Variants in DSG1 observed in about 807,000 individuals in gnomAD.
DSG1 encodes the protein desmoglein-1.
A neutral mutation model predicts 97.5 loss-of-function variants in DSG1; 39 were observed. That is an observed-to-expected ratio of 0.40 (90% confidence interval 0.31 to 0.52). The LOEUF is 0.52. Among genes scored for constraint, DSG1 ranks in the 20% least tolerant of loss-of-function variants. The pLI is 0.53. For missense variants in DSG1, 1,311 were observed against 1,295.4 expected, an observed-to-expected ratio of 1.01 and a Z score of -0.18; for synonymous variants, 475 against 443.4, an observed-to-expected ratio of 1.07 and a Z score of -0.90.
In DSG1 at chr18:31,334,021, C is replaced by A. The variant is rs776654926; in HGVS notation, c.824C>A (p.Thr275Asn). Residue 275 changes from threonine (T) to asparagine (N), a missense_variant, in exon 8 of 15, where the codon ACC becomes AAC. Thr to Asn is a moderately conservative substitution (Grantham distance 65, BLOSUM62 0). This residue lies in a region of DSG1 where 1,038 missense variants were observed against 964.6 expected (regional missense o/e 1.08). Transcript: ENST00000257192. ...NIPYMEQSSY[T>N]IEIQENTLNS... ...AGTTTTCACTTCTTGTTTCAGTATA[C>A]CATAGAAATTCAAGAAAATACTCTA... is the stretch of plus-strand genomic sequence containing the variant. 9 of 1,597,598 alleles carry A rather than the reference C, an allele frequency of 5.6e-6. No individual in the cohort carries two copies. Among genetic ancestry groups the A allele is most frequent in the South Asian group, 2.2e-5 (2 of 90,600 alleles).
In DSG1 at chr18:31,332,872, T is replaced by A. The variant is rs563692893; in HGVS notation, c.685-717T>A. 2.1e-4 allele frequency among the ~76,000 whole-genome samples: 32 copies of A among 152,288 alleles called. 2 individuals are homozygous for A. In the South Asian group the frequency reaches 4.8e-3, roughly 23 times the overall value. ...TCTCAAACTGTCTTAAACAGCCCAA[T>A]GAGGTTTCTTTCATGTCAAAAGAGC... On this transcript the variant is annotated intron_variant, in intron 6 of 14. Transcript: ENST00000257192.
At chr18:31,335,004 C>T (rs1234579675) in intron 8 of DSG1, among the ~76,000 whole-genome samples, 2 of 151,950 alleles carry the variant, frequency 1.3e-5, no homozygotes. Flanking sequence ...AAAATATAAT[C>T]CCTATTTAAC....
intron 1 of DSG1, among the ~76,000 whole-genome samples, chr18:31,319,343 A>G (rs2071639666): frequency 6.6e-6 from 1 of 152,152 alleles, no homozygotes; most frequent in African/African-American, 2.4e-5. Context: ...TTGAACTGGA[A>G]TGTTGGGTTG....
chr18:31,318,495 T>G lies in DSG1; in HGVS notation c.48+147T>G, dbSNP rs868666307. 6.7e-5 allele frequency: 49 copies of G among 735,182 alleles called. No homozygotes were observed. In the Middle Eastern group the frequency reaches 8.0e-4, roughly 12 times the overall value. 45.5% of individuals were successfully genotyped at this position (735,182 alleles called of 1,614,324 possible). On this transcript the variant is annotated intron_variant, in intron 1 of 14. Transcript: ENST00000257192. ...CAAGATGATTTTATGAACTAGATTT[T>G]TCAATAGCATTTCTCTCTTTAATTG...
At position 31,324,175 on chromosome 18, in the gene DSG1, G is replaced by C. The variant is rs564684117; in HGVS notation, c.49-2406G>C. Reference sequence around the variant, plus strand: ...ATTTTTGTATTTTTAGTGGAGACGGGGTTTCACCATGTTGGCCAGGATGTT... The same window carrying C: ...ATTTTTGTATTTTTAGTGGAGACGGCGTTTCACCATGTTGGCCAGGATGTT... On this transcript the variant is annotated intron_variant, in intron 1 of 14. Coordinates refer to ENST00000257192, the MANE Select transcript of DSG1 (RefSeq NM_001942.4). 9.3e-4 allele frequency among the ~76,000 whole-genome samples: 140 copies of C among 151,290 alleles called. 1 individual carries two copies. Among genetic ancestry groups the C allele is most frequent in the African/African-American group, 3.2e-3 (134 of 41,260 alleles).
intron 4 of DSG1, among the ~76,000 whole-genome samples, chr18:31,328,568 C>A (rs1179562325): frequency 1.3e-5 from 2 of 152,128 alleles, no homozygotes; most frequent in Non-Finnish European, 2.9e-5. Context: ...ATACTGTCCT[C>A]ATTGGCAAAC....
chr18:31,319,704 T>G lies in DSG1; in HGVS notation c.48+1356T>G, dbSNP rs188676249. ...GCTATTATAGTTTTAGTTGATCAGC[T>G]TGTTCAGATAGGTGTACACTAACTT... On this transcript the variant is annotated intron_variant, in intron 1 of 14. Transcript: ENST00000257192. Among the ~76,000 whole-genome samples, 14 of 152,326 alleles carry G rather than the reference T, an allele frequency of 9.2e-5. No individual in the cohort carries two copies. The East Asian group carries it at 2.7e-3, about 29-fold the overall frequency.
chr18:31,333,552 C>A, intron 6 of DSG1, 37 bp from the exon 7 acceptor site: 20 of 1,613,208 alleles, frequency 1.2e-5, no homozygotes, highest in Non-Finnish European at 1.6e-5. Flanking sequence ...AGGCTGTCTA[C>A]GTCAAGTGTG....
chr18:31,354,892 T>C lies in DSG1; in HGVS notation c.2696T>C (p.Ile899Thr), dbSNP rs752731899. 9.9e-6 allele frequency: 16 copies of C among 1,614,032 alleles called. No homozygotes were observed. The highest frequency in any genetic ancestry group is 5.0e-5 in the Admixed American group (3 of 59,992). ...GSNVIVTERV[I>T]APSSSLPTSL... The stretch of plus-strand genomic sequence containing the variant: ...AATGTTATAGTGACAGAAAGGGTAA[T>C]AGCACCAAGCTCTAGTCTACCCACC... Residue 899 changes from isoleucine (I) to threonine (T), a missense_variant, in exon 15 of 15, where the codon ATA becomes ACA. Coordinates refer to ENST00000257192, the MANE Select transcript of DSG1 (RefSeq NM_001942.4).
chr18:31,346,306 T>G (rs987487327), intron 14 of DSG1, 108 bp downstream of exon 14: 1 of 915,690 alleles, frequency 1.1e-6, no homozygotes, highest in African/African-American at 1.6e-5. Flanking sequence ...CTAACTAGAT[T>G]CTCAGCCTTT....
At chr18:31,324,912 C>T (rs1312438805) in intron 1 of DSG1, among the ~76,000 whole-genome samples, 1 of 152,210 alleles carries the variant, frequency 6.6e-6, no homozygotes, top group African/African-American at 2.4e-5. Flanking sequence ...CTACTGCACA[C>T]AGGCATTTAA....
chr18:31,354,556 A>G lies in DSG1; in HGVS notation c.2360A>G (p.Gln787Arg), dbSNP rs1359820675. ...AGCACTGAACCAGTTTGCCTTCCTC[A>G]GGAAACAGAGCCCGTTGTTAGTGGA... ...PQSTEPVCLP[Q>R]ETEPVVSGHP... is the part of the protein sequence containing the mutation. Residue 787 changes from glutamine (Q) to arginine (R), a missense_variant, in exon 15 of 15, where the codon CAG (glutamine) becomes CGG (arginine). By Grantham distance (43) the Gln-to-Arg change is conservative. This residue lies in a region of DSG1 where 1,038 missense variants were observed against 964.6 expected (regional missense o/e 1.08). Transcript: ENST00000257192. The G allele has an allele frequency of 6.2e-7, 1 of 1,614,178 alleles. No individual in the cohort carries two copies. Among genetic ancestry groups the G allele is most frequent in the Non-Finnish European group, 8.5e-7 (1 of 1,180,028 alleles).
chr18:31,332,188 T>C (rs575171903), intron 6 of DSG1, among the ~76,000 whole-genome samples: 108 of 152,198 alleles, frequency 7.1e-4, no homozygotes, highest in African/African-American at 2.5e-3. Context: ...AAAAAGTGTG[T>C]TCTATAATAA....
At chr18:31,339,067 A>C (rs1259811349) in intron 10 of DSG1, among the ~76,000 whole-genome samples, 1 of 152,156 alleles carries the variant, frequency 6.6e-6, no homozygotes, top group East Asian at 1.9e-4. Context: ...ATTTTTGCTG[A>C]ATAATTCCAC....
At position 31,354,764 on chromosome 18, in the gene DSG1, C is replaced by A; in HGVS notation, c.2568C>A (p.Asn856Lys). ...TLKPSVHVHDNRPASNVVVTE... is the reference protein window; with the variant it reads ...TLKPSVHVHDKRPASNVVVTE... ...AGCCCTCTGTGCACGTTCACGATAA[C>A]CGACCAGCATCAAACGTGGTAGTGA... The change falls in exon 15 of 15, where the codon AAC (asparagine) becomes AAA (lysine). Residue 856 changes from asparagine (N) to lysine (K), a missense_variant. Asn to Lys is a moderately conservative substitution (Grantham distance 94, BLOSUM62 0). Around this residue, in one of 3 missense-constraint regions of DSG1, gnomAD observed 1,038 missense variants for 964.6 expected, o/e 1.08. Coordinates refer to ENST00000257192, the MANE Select transcript of DSG1 (RefSeq NM_001942.4). 1 of 1,614,176 alleles carries A rather than the reference C, an allele frequency of 6.2e-7. No individual in the cohort carries two copies. The highest frequency in any genetic ancestry group is 8.5e-7 in the Non-Finnish European group (1 of 1,180,020).
rs1482791506 is a variant in DSG1, at chr18:31,326,896, A to C, written c.107A>C (p.Asn36Thr). The C allele has an allele frequency of 1.2e-6, 2 of 1,613,802 alleles. No homozygotes were observed. The highest frequency in any genetic ancestry group is 2.7e-5 in the African/African-American group (2 of 74,898). The change falls in exon 3 of 15, where the codon AAT becomes ACT. Residue 36 changes from asparagine to threonine, a missense_variant. Around this residue, in one of 3 missense-constraint regions of DSG1, gnomAD observed 259 missense variants for 304.1 expected, o/e 0.85. Transcript: ENST00000257192. ...RIQVRDYNTK[N>T]GTIKWHSIRR... ...AAGGTAAGAGATTATAACACTAAAAATGGCACCATCAAATGGCATTCAATC... is the reference window on the plus strand; with the variant it reads ...AAGGTAAGAGATTATAACACTAAAACTGGCACCATCAAATGGCATTCAATC...
At chr18:31,332,935 G>C (rs1034344222) in intron 6 of DSG1, among the ~76,000 whole-genome samples, 2 of 152,150 alleles carry the variant, frequency 1.3e-5, no homozygotes, top group African/African-American at 4.8e-5. Context: ...GCTGTCAGAA[G>C]GAAAGGGACT....
intron 9 of DSG1, 53 bp from the exon 10 acceptor site, chr18:31,338,262 T>C: frequency 1.3e-6 from 2 of 1,559,226 alleles, no homozygotes; most frequent in South Asian, 2.3e-5. Flanking sequence ...TAAATTAAAA[T>C]TTCTTTTTTT....
chr18:31,344,377 A>G (rs2144108387), intron 13 of DSG1, among the ~76,000 whole-genome samples: 1 of 152,352 alleles, frequency 6.6e-6, no homozygotes, highest in African/African-American at 2.4e-5. Context: ...AAATTAAAGT[A>G]CAACCCAACT....
Sources: allele counts gnomAD v4.1 joint callset (sites outside exome capture counted in the v4.1 genomes callset), GRCh38; gene constraint gnomAD v4.1.1; regional missense constraint gnomAD v4.1.1; transcripts MANE v1.5; gene names NCBI Gene and HGNC (gene_info 2026-07-23, HGNC 2026-07-21).